CMIP: variants seen among roughly 807,000 people sequenced by gnomAD.
CMIP encodes c-Maf inducing protein.
CMIP carries 13 observed loss-of-function variants against 97.3 expected under a neutral mutation model. That is an observed-to-expected ratio of 0.13 (90% CI 0.09 to 0.21). The LOEUF (loss-of-function observed/expected upper bound fraction) is 0.21, where lower values mean the gene tolerates loss of function less well. Among genes scored for constraint, CMIP ranks in the 10% least tolerant of loss-of-function variants. The pLI is 1.00. For synonymous variants in CMIP, 538 were observed against 436.3 expected, an observed-to-expected ratio of 1.23 and a Z score of -2.91; for missense variants, 847 against 1,024.9, an observed-to-expected ratio of 0.83 and a Z score of 2.37.
chr16:81,549,108 G>A (rs1200970069), intron 1 of CMIP, among the ~76,000 whole-genome samples: 1 of 152,180 alleles, frequency 6.6e-6, no homozygotes, highest in African/African-American at 2.4e-5. Context: ...TGTGTAGTAG[G>A]TAGTCAGGGA....
At chr16:81,526,264 C>CTG (rs1216074063) in intron 1 of CMIP, among the ~76,000 whole-genome samples, 2 of 152,294 alleles carry the variant, frequency 1.3e-5, no homozygotes, top group Middle Eastern at 3.4e-3. Context: ...TTCAAGTGAT[C>CTG]TGTGAACTTG....
chr16:81,684,953 G>T (rs68056614), intron 10 of CMIP, among the ~76,000 whole-genome samples: 1 of 152,104 alleles, frequency 6.6e-6, no homozygotes, highest in African/African-American at 2.4e-5. Context: ...TAACAGGCCC[G>T]CCCAGAGCCA....
At chr16:81,685,784 G>A (rs1045654349) in intron 10 of CMIP, among the ~76,000 whole-genome samples, 5 of 148,692 alleles carry the variant, frequency 3.4e-5, no homozygotes, top group Non-Finnish European at 4.4e-5. Context: ...AGCCAGTCTC[G>A]AACTCCTGGC....
At chr16:81,550,150 C>A (rs1224400832) in intron 1 of CMIP, among the ~76,000 whole-genome samples, 1 of 152,236 alleles carries the variant, frequency 6.6e-6, no homozygotes, top group Admixed American at 6.5e-5. Context: ...CGGTAGCACT[C>A]CTTCTTTCCT....
At chr16:81,513,475 C>G (rs560037487) in intron 1 of CMIP, among the ~76,000 whole-genome samples, 1 of 152,222 alleles carries the variant, frequency 6.6e-6, no homozygotes, top group Non-Finnish European at 1.5e-5. Context: ...CTTTCCACCC[C>G]GGGATTCTCC....
chr16:81,451,004 TTC>T (rs1308894231), intron 1 of CMIP, among the ~76,000 whole-genome samples: 1 of 152,208 alleles, frequency 6.6e-6, no homozygotes, highest in Non-Finnish European at 1.5e-5. Context: ...AGCTGCCTTG[TTC>T]TTTTTCATTG....
chr16:81,502,677 G>C (rs947699945), intron 1 of CMIP, among the ~76,000 whole-genome samples: 2 of 152,182 alleles, frequency 1.3e-5, no homozygotes, highest in Non-Finnish European at 2.9e-5. Flanking sequence ...GAAATGTCAA[G>C]TGTTACCGTT....
intron 10 of CMIP, among the ~76,000 whole-genome samples, chr16:81,678,869 G>A (rs1333262000): frequency 6.6e-6 from 1 of 152,262 alleles, no homozygotes; most frequent in East Asian, 1.9e-4. Flanking sequence ...CTCTGGTTGT[G>A]TATCTGTGAG....
At chr16:81,484,289 C>G (rs966352275) in intron 1 of CMIP, among the ~76,000 whole-genome samples, 3 of 152,148 alleles carry the variant, frequency 2.0e-5, no homozygotes, top group Non-Finnish European at 4.4e-5. Flanking sequence ...CTTGCCAGCT[C>G]GAGGAAGAGT....
chr16:81,501,384 A>C (rs1002136852), intron 1 of CMIP, among the ~76,000 whole-genome samples: 3 of 152,168 alleles, frequency 2.0e-5, no homozygotes, highest in Non-Finnish European at 4.4e-5. Flanking sequence ...CTTTGGCCCC[A>C]GGGGGAGCTC....
At chr16:81,567,583 C>T (rs1192185778) in intron 1 of CMIP, among the ~76,000 whole-genome samples, 1 of 152,226 alleles carries the variant, frequency 6.6e-6, no homozygotes, top group Non-Finnish European at 1.5e-5. Context: ...GTGTGAGGAT[C>T]ACCCAAGAGA....
chr16:81,537,454 G>C (rs2090364001), intron 1 of CMIP, among the ~76,000 whole-genome samples: 1 of 144,130 alleles, frequency 6.9e-6, no homozygotes, highest in Admixed American at 7.2e-5. Context: ...AGAATTGCTT[G>C]AACCTGGGAG....
At chr16:81,685,736 T>A (rs1365681027) in intron 10 of CMIP, among the ~76,000 whole-genome samples, 1 of 151,450 alleles carries the variant, frequency 6.6e-6, no homozygotes, top group Non-Finnish European at 1.5e-5. Flanking sequence ...TTTAACTTTT[T>A]TTTTCTTTTT....
chr16:81,503,886 C>G (rs922385407), intron 1 of CMIP, among the ~76,000 whole-genome samples: 8 of 152,242 alleles, frequency 5.3e-5, no homozygotes, highest in African/African-American at 1.7e-4. Flanking sequence ...CAGGATGTGG[C>G]TGAGTAGCTG....
intron 4 of CMIP, among the ~76,000 whole-genome samples, chr16:81,653,425 AAGT>A (rs1427459809): frequency 6.6e-6 from 1 of 152,228 alleles, no homozygotes; most frequent in Non-Finnish European, 1.5e-5. Flanking sequence ...GGGAGGTAGA[AAGT>A]AGGTGGCAGT....
At chr16:81,706,280 T>G (rs1214838418) in intron 19 of CMIP, among the ~76,000 whole-genome samples, 1 of 151,078 alleles carries the variant, frequency 6.6e-6, no homozygotes, top group African/African-American at 2.4e-5. Context: ...CCCGGGGAGG[T>G]GCTGTTGAGT....
At chr16:81,648,565 C>G (rs538951426) in intron 3 of CMIP, among the ~76,000 whole-genome samples, 3 of 151,924 alleles carry the variant, frequency 2.0e-5, no homozygotes, top group Non-Finnish European at 4.4e-5. Flanking sequence ...GGGTGGATCA[C>G]GTGAGATCAG....
intron 1 of CMIP, among the ~76,000 whole-genome samples, chr16:81,516,557 C>T (rs901662706): frequency 6.6e-6 from 1 of 152,224 alleles, no homozygotes. Flanking sequence ...CTTCAGGACT[C>T]AGCTCATCGC....
intron 1 of CMIP, among the ~76,000 whole-genome samples, chr16:81,541,811 C>T (rs2090454393): frequency 6.6e-6 from 1 of 152,172 alleles, no homozygotes; most frequent in South Asian, 2.1e-4. Context: ...AGGCATCAGG[C>T]ATGCGTTTAT....
Sources: allele counts gnomAD v4.1 joint callset (sites outside exome capture counted in the v4.1 genomes callset), GRCh38; gene constraint gnomAD v4.1.1; transcripts MANE v1.5; gene names NCBI Gene and HGNC (gene_info 2026-07-23, HGNC 2026-07-21).